TOPAZ1: variants seen among roughly 807,000 people sequenced by gnomAD.
TOPAZ1 encodes the protein testis and ovary specific TOPAZ 1.
Under a neutral mutation model 172.2 loss-of-function variants are expected in TOPAZ1, and 66 were observed. The ratio of observed to expected loss-of-function variants is 0.38; its 90% CI spans 0.31 to 0.47. The LOEUF is 0.47. Ranked by LOEUF, TOPAZ1 falls within the 20% of genes least tolerant of loss-of-function variation. TOPAZ1 has a pLI of 0.99. For synonymous variants in TOPAZ1, 681 were observed against 683.9 expected (o/e 1.00, Z 0.07); for missense variants, 1,822 against 1,972.4 (o/e 0.92, Z 1.44).
downstream of TOPAZ1, among the ~76,000 whole-genome samples, chr3:44,333,390 A>G (rs1299393724): frequency 6.6e-6 from 1 of 152,176 alleles, no homozygotes; most frequent in African/African-American, 2.4e-5. Context: ...GCACCTAGGA[A>G]ATGAATTAGG....
At chr3:44,252,222 TCCCTC>T (rs1699642254) in intron 2 of TOPAZ1, among the ~76,000 whole-genome samples, 1 of 152,212 alleles carries the variant, frequency 6.6e-6, no homozygotes, top group Non-Finnish European at 1.5e-5. Context: ...CACAGAAGCA[TCCCTC>T]AGTTCTCTAT....
In TOPAZ1 at chr3:44,321,116, G is replaced by A; in HGVS notation, c.4396G>A (p.Glu1466Lys). ...RHNLLCTIAH[E>K]ILAKSLYRQT... ...TAATTTACTCTGTACAATTGCACAT[G>A]AAATCTTAGCCAAGAGCCTTTATAG... Residue 1466 changes from glutamate to lysine, a missense_variant, in exon 17 of 20, where the codon GAA becomes AAA. This residue lies in a region of TOPAZ1 where 333 missense variants were observed against 481.7 expected (regional missense o/e 0.69). Transcript: ENST00000309765. 5.2e-6 allele frequency: 8 copies of A among 1,550,974 alleles called. No individual in the cohort carries two copies. Among genetic ancestry groups the A allele is most frequent in the Non-Finnish European group, 7.0e-6 (8 of 1,146,542 alleles).
At chr3:44,260,097 A>T (rs907778084) in intron 4 of TOPAZ1, among the ~76,000 whole-genome samples, 13 of 152,152 alleles carry the variant, frequency 8.5e-5, no homozygotes, top group Non-Finnish European at 1.3e-4. Flanking sequence ...CACCTTGTGA[A>T]GAAGGGGCCT....
chr3:44,263,281 T>A (rs1699794719), intron 5 of TOPAZ1, among the ~76,000 whole-genome samples: 2 of 152,252 alleles, frequency 1.3e-5, no homozygotes, highest in East Asian at 3.9e-4. Context: ...GAAAAAGCAA[T>A]AAGATTAACT....
chr3:44,306,103 T>C (rs1386767809), intron 14 of TOPAZ1, among the ~76,000 whole-genome samples: 1 of 152,246 alleles, frequency 6.6e-6, no homozygotes. Context: ...ATTTTAGGCT[T>C]CGAACACACC....
chr3:44,259,893 C>T (rs137855445), intron 4 of TOPAZ1, among the ~76,000 whole-genome samples: 26 of 152,188 alleles, frequency 1.7e-4, no homozygotes, highest in African/African-American at 2.4e-4. Context: ...ATGGTTTGGC[C>T]GTGGTCCCAC....
chr3:44,290,928 T>C lies in TOPAZ1; in HGVS notation c.3797+42T>C, dbSNP rs750389507. 6.9e-6 allele frequency: 9 copies of C among 1,298,154 alleles called. No individual in the cohort carries two copies. In the Middle Eastern group the frequency reaches 7.4e-4, roughly 107 times the overall value. 80.4% of individuals were successfully genotyped at this position (1,298,154 alleles called of 1,614,324 possible). On this transcript the variant is annotated intron_variant, in intron 12 of 19. Coordinates refer to ENST00000309765, the MANE Select transcript of TOPAZ1 (RefSeq NM_001145030.2). Reference sequence around the variant, plus strand: ...TTATTTAAGCCAAAATATATGTGTCTTGGTGGGGACTTATAAAAGCTGAAG... The same window carrying C: ...TTATTTAAGCCAAAATATATGTGTCCTGGTGGGGACTTATAAAAGCTGAAG...
chr3:44,325,666 C>T (rs896599141), intron 18 of TOPAZ1, among the ~76,000 whole-genome samples: 2 of 149,370 alleles, frequency 1.3e-5, no homozygotes, highest in East Asian at 2.0e-4. Flanking sequence ...TTCTTGGAGA[C>T]GGAGTCTCCC....
intron 19 of TOPAZ1, among the ~76,000 whole-genome samples, chr3:44,330,996 C>T (rs1420944240): frequency 6.6e-6 from 1 of 152,158 alleles, no homozygotes; most frequent in Non-Finnish European, 1.5e-5. Flanking sequence ...CAAATATTAG[C>T]TACATATTAA....
intron 15 of TOPAZ1, among the ~76,000 whole-genome samples, chr3:44,308,713 G>A (rs2125700906): frequency 6.6e-6 from 1 of 152,132 alleles, no homozygotes; most frequent in Middle Eastern, 3.4e-3. Flanking sequence ...TTGGTAGATT[G>A]GTGAATTTTA....
intron 16 of TOPAZ1, among the ~76,000 whole-genome samples, chr3:44,318,161 C>T (rs1004965263): frequency 3.8e-5 from 5 of 132,370 alleles, no homozygotes; most frequent in Non-Finnish European, 4.9e-5. Context: ...GCTCCACCTA[C>T]TGAGGGGCGG....
chr3:44,245,370 T>C, intron 2 of TOPAZ1, 99 bp downstream of exon 2: 1 of 1,252,856 alleles, frequency 8.0e-7, no homozygotes, highest in Non-Finnish European at 1.1e-6. Context: ...TGAAGCTCCA[T>C]TATTTTTTAA....
At position 44,267,036 on chromosome 3, in the gene TOPAZ1, T is replaced by C; in HGVS notation, c.3060T>C (p.Cys1020=). The change falls in exon 6 of 20, where the codon TGT becomes TGC. Residue 1020 remains cysteine (C), a synonymous_variant. Coordinates refer to ENST00000309765, the MANE Select transcript of TOPAZ1 (RefSeq NM_001145030.2). ...SRNADFMVGE[C]QFAVPVPKPL... ...ATGCAGACTTTATGGTCGGCGAATGTCAATTTGCAGTACCAGTCCCGAAAC... is the reference window on the plus strand; with the variant it reads ...ATGCAGACTTTATGGTCGGCGAATGCCAATTTGCAGTACCAGTCCCGAAAC... 1 of 1,547,794 alleles carries C rather than the reference T, an allele frequency of 6.5e-7. No individual in the cohort carries two copies. Among genetic ancestry groups the C allele is most frequent in the Non-Finnish European group, 8.7e-7 (1 of 1,145,660 alleles).
chr3:44,278,872 G>T (rs1443069619), intron 8 of TOPAZ1, among the ~76,000 whole-genome samples: 1 of 147,040 alleles, frequency 6.8e-6, no homozygotes, highest in African/African-American at 2.5e-5. Flanking sequence ...CCTTCTACTA[G>T]TTTTGGGTTT....
In TOPAZ1 at chr3:44,305,275, TGAA is replaced by T; in HGVS notation, c.3996_3998del (p.Glu1332del). On this transcript the variant is annotated inframe_deletion, in exon 14 of 20. Transcript: ENST00000309765. ...TTGCTGAAACACTCACAAAAAACTA[TGAA>T]GATGAAAGACCAGATATTCCCTTTT... 1 of 1,544,150 alleles carries T rather than the reference TGAA, an allele frequency of 6.5e-7. No individual in the cohort carries two copies. The highest frequency in any genetic ancestry group is 2.0e-5 in the Admixed American group (1 of 49,148).
intron 7 of TOPAZ1, among the ~76,000 whole-genome samples, chr3:44,269,862 C>T (rs1699876594): frequency 6.6e-6 from 1 of 152,132 alleles, no homozygotes; most frequent in African/African-American, 2.4e-5. Flanking sequence ...GAACTCCTGA[C>T]CTCGTGATCC....
At chr3:44,292,724 T>C (rs1700151575) in intron 12 of TOPAZ1, among the ~76,000 whole-genome samples, 1 of 152,222 alleles carries the variant, frequency 6.6e-6, no homozygotes. Context: ...GTATACGATG[T>C]ATAATGATCA....
In TOPAZ1 at chr3:44,243,580, G is replaced by A; in HGVS notation, c.1074G>A (p.Leu358=). 6.4e-7 allele frequency: 1 copy of A among 1,550,938 alleles called. No individual in the cohort carries two copies. Among genetic ancestry groups the A allele is most frequent in the East Asian group, 2.4e-5 (1 of 40,902 alleles). The change falls in exon 2 of 20, where the codon TTG becomes TTA. Residue 358 remains leucine (L), a synonymous_variant. Coordinates refer to ENST00000309765, the MANE Select transcript of TOPAZ1 (RefSeq NM_001145030.2). ...NFSNEYNKSE[L]MLQENQMIAD... ...CTAATGAGTATAACAAGTCTGAGTTGATGTTGCAAGAAAATCAAATGATTG... is the reference window on the plus strand; with the variant it reads ...CTAATGAGTATAACAAGTCTGAGTTAATGTTGCAAGAAAATCAAATGATTG...
intron 2 of TOPAZ1, among the ~76,000 whole-genome samples, chr3:44,250,263 A>T (rs964783105): frequency 5.4e-5 from 8 of 147,482 alleles, no homozygotes; most frequent in Non-Finnish European, 1.1e-4. Context: ...AAAAAAAAAC[A>T]GGTTTCCACC....
Sources: allele counts gnomAD v4.1 joint callset (sites outside exome capture counted in the v4.1 genomes callset), GRCh38; gene constraint gnomAD v4.1.1; regional missense constraint gnomAD v4.1.1; transcripts MANE v1.5; gene names NCBI Gene and HGNC (gene_info 2026-07-23, HGNC 2026-07-21).